CDH13: variants seen among roughly 807,000 people sequenced by gnomAD.
The protein encoded by CDH13 is cadherin-13.
In CDH13, 24 loss-of-function variants were observed where a neutral mutation model predicts 63.8. The ratio of observed to expected loss-of-function variants is 0.38; its 90% CI spans 0.27 to 0.53. The LOEUF is 0.53. Ranked by LOEUF, CDH13 falls within the 20% of genes least tolerant of loss-of-function variation. CDH13 has a pLI of 0.85. For missense variants in CDH13, 1,049 were observed against 903.1 expected, an observed-to-expected ratio of 1.16 and a Z score of -2.07; for synonymous variants, 503 against 355.3, an observed-to-expected ratio of 1.42 and a Z score of -4.67.
intron 4 of CDH13, among the ~76,000 whole-genome samples, chr16:83,165,679 A>G (rs1597450315): frequency 6.6e-6 from 1 of 152,120 alleles, no homozygotes; most frequent in Non-Finnish European, 1.5e-5. Context: ...CATATGTGTA[A>G]GTTAAAAAGA....
intron 3 of CDH13, among the ~76,000 whole-genome samples, chr16:83,085,165 C>G (rs1023021798): frequency 8.6e-5 from 13 of 150,970 alleles, no homozygotes; most frequent in Admixed American, 5.3e-4. Flanking sequence ...TGGGGAGGCC[C>G]TAGAATCATG....
At chr16:83,319,429 C>T (rs146587657) in intron 5 of CDH13, among the ~76,000 whole-genome samples, 171 of 152,258 alleles carry the variant, frequency 1.1e-3, no homozygotes, top group African/African-American at 4.0e-3. Context: ...GCAGCTATAT[C>T]CAGTGAGCTG....
intron 2 of CDH13, among the ~76,000 whole-genome samples, chr16:82,929,035 T>C (rs966006581): frequency 6.6e-6 from 1 of 152,230 alleles, no homozygotes; most frequent in African/African-American, 2.4e-5. Context: ...GTTGTAGTGA[T>C]GACTTTCATA....
At chr16:83,201,472 A>G (rs1271441102) in intron 4 of CDH13, among the ~76,000 whole-genome samples, 3 of 151,868 alleles carry the variant, frequency 2.0e-5, no homozygotes, top group Non-Finnish European at 4.4e-5. Context: ...TGTAGCAACA[A>G]TGTAATGAGC....
At chr16:83,328,698 T>A (rs981838996) in intron 5 of CDH13, among the ~76,000 whole-genome samples, 1 of 152,142 alleles carries the variant, frequency 6.6e-6, no homozygotes. Context: ...AAGCAGCTGA[T>A]GGAGTGGATG....
At position 83,339,325 on chromosome 16, in the gene CDH13, G is replaced by C. The variant is rs766219067; in HGVS notation, c.637-5537G>C. Among the ~76,000 whole-genome samples the C allele has an allele frequency of 3.9e-4, 60 of 152,114 alleles. 1 individual carries two copies. Among genetic ancestry groups the C allele is most frequent in the Admixed American group, 3.3e-4 (5 of 15,282 alleles). ...TGCAACTGTATTTATCATACTTTCT[G>C]GTTGCTCAAAAATCCTTGCCTCCAA... On this transcript the variant is annotated intron_variant, in intron 5 of 13. Transcript: ENST00000567109.
Position 82,702,818 on chromosome 16 carries a change from C to G in CDH13, c.45+75681C>G, listed in dbSNP as rs574145492. ...CCTGTGGCCCCCAGGGTTCAGCTCC[C>G]TGGTGCCTCATCAGGCACAGCTTAG... On this transcript the variant is annotated intron_variant, in intron 1 of 13. Coordinates refer to ENST00000567109, the MANE Select transcript of CDH13 (RefSeq NM_001257.5). Among the ~76,000 whole-genome samples, 3 of 152,300 alleles carry G rather than the reference C, an allele frequency of 2.0e-5. No individual in the cohort carries two copies. The East Asian group carries it at 5.8e-4, about 29-fold the overall frequency.
At chr16:83,789,048 A>G (rs146519931) in intron 13 of CDH13, among the ~76,000 whole-genome samples, 2 of 152,352 alleles carry the variant, frequency 1.3e-5, no homozygotes, top group East Asian at 3.9e-4. Flanking sequence ...TGCCTGCCAA[A>G]TGTCATGATT....
chr16:83,365,277 A>T (rs1344337005), intron 6 of CDH13, among the ~76,000 whole-genome samples: 3 of 152,168 alleles, frequency 2.0e-5, no homozygotes, highest in Non-Finnish European at 4.4e-5. Context: ...GAGTGGACTG[A>T]TGTTGTAGTT....
intron 5 of CDH13, among the ~76,000 whole-genome samples, chr16:83,331,873 G>T (rs1263946962): frequency 1.3e-5 from 2 of 152,074 alleles, no homozygotes; most frequent in Non-Finnish European, 2.9e-5. Flanking sequence ...TGTGTTGATT[G>T]TAGTTTTTTC....
intron 1 of CDH13, among the ~76,000 whole-genome samples, chr16:82,634,151 C>G (rs1908366216): frequency 6.6e-6 from 1 of 152,248 alleles, no homozygotes; most frequent in Non-Finnish European, 1.5e-5. Context: ...GCTCAGCCAT[C>G]AACAGCCCTG....
At position 83,236,999 on chromosome 16, in the gene CDH13, C is replaced by T. The variant is rs533142731; in HGVS notation, c.636+19502C>T. On this transcript the variant is annotated intron_variant, in intron 5 of 13. Transcript: ENST00000567109. ...AGTGCACAAAAAGAGGTAAGGGAGG[C>T]CAGAGAAACTGGACAGGAAAACCCA... Among the ~76,000 whole-genome samples the T allele has an allele frequency of 2.6e-5, 4 of 151,998 alleles. No homozygotes were observed. The East Asian group carries it at 5.8e-4, about 22-fold the overall frequency.
chr16:83,760,148 C>T (rs966681418), intron 11 of CDH13, among the ~76,000 whole-genome samples: 1 of 151,924 alleles, frequency 6.6e-6, no homozygotes, highest in Non-Finnish European at 1.5e-5. Flanking sequence ...CAAGGAAATA[C>T]AATGAAGTGC....
Position 83,060,521 on chromosome 16 carries a change from A to G in CDH13, c.366+28303A>G, listed in dbSNP as rs111716130. On this transcript the variant is annotated intron_variant, in intron 3 of 13. Transcript: ENST00000567109. ...TGCATCCCCTCCATTAACTCATGTC[A>G]TATTGCCTAATTCATAAAGAGGCCC... Among the ~76,000 whole-genome samples, 4 of 152,300 alleles carry G rather than the reference A, an allele frequency of 2.6e-5. 1 individual carries two copies. The highest frequency in any genetic ancestry group is 9.6e-5 in the African/African-American group (4 of 41,572).
chr16:83,474,881 G>A (rs546427036), intron 6 of CDH13, among the ~76,000 whole-genome samples: 8 of 152,304 alleles, frequency 5.3e-5, no homozygotes, highest in Admixed American at 2.6e-4. Flanking sequence ...GGAAACAACC[G>A]CTGGAGGAGC....
intron 10 of CDH13, among the ~76,000 whole-genome samples, chr16:83,700,754 C>G (rs904168707): frequency 6.6e-6 from 1 of 152,170 alleles, no homozygotes; most frequent in African/African-American, 2.4e-5. Flanking sequence ...AATCCCACTG[C>G]CCAGATATGG....
At position 83,449,796 on chromosome 16, in the gene CDH13, C is replaced by T. The variant is rs189214347; in HGVS notation, c.782-36681C>T. ...TTCGTTTTGTAAATAGGGACGTTAA[C>T]GCTGGGACGTACTCTGCTGGTTTGT... On this transcript the variant is annotated intron_variant, in intron 6 of 13. Transcript: ENST00000567109. Among the ~76,000 whole-genome samples the T allele has an allele frequency of 1.4e-4, 21 of 152,266 alleles. No homozygotes were observed. In the East Asian group the frequency reaches 2.1e-3, roughly 15 times the overall value.
chr16:82,918,115 G>A (rs927659651), intron 2 of CDH13, among the ~76,000 whole-genome samples: 6 of 152,138 alleles, frequency 3.9e-5, no homozygotes, highest in Non-Finnish European at 8.8e-5. Flanking sequence ...GGTAAAAGGT[G>A]GCAGAGCAAA....
intron 4 of CDH13, among the ~76,000 whole-genome samples, chr16:83,191,464 T>C (rs11862873): frequency 1.2e-3 from 107 of 92,506 alleles, no homozygotes; most frequent in African/African-American, 4.7e-3. Context: ...AGGAAATATA[T>C]ATATATATAT....
Sources: gnomAD v4.1 joint callset for allele counts (sites outside exome capture counted in the v4.1 genomes callset) on GRCh38, gnomAD v4.1.1 for gene constraint, MANE v1.5 for transcripts, NCBI Gene and HGNC (gene_info 2026-07-23, HGNC 2026-07-21) for gene names.